TDRD3: variants seen among roughly 807,000 people sequenced by gnomAD.
TDRD3 encodes tudor domain-containing protein 3.
Under a neutral mutation model 86.7 loss-of-function variants are expected in TDRD3, and 45 were observed. The observed-to-expected ratio is 0.52, with a 90% CI of 0.41 to 0.67. The LOEUF (loss-of-function observed/expected upper bound fraction) is 0.67, where lower values mean the gene tolerates loss of function less well. Among genes scored for constraint, TDRD3 ranks in the 30% least tolerant of loss-of-function variants. The probability of loss-of-function intolerance (pLI) is 0.00; values close to 1 mark genes in which losing one functional copy is unlikely to be tolerated. For synonymous variants in TDRD3, 298 were observed against 301.7 expected (o/e 0.99, Z 0.13); for missense variants, 814 against 889.0 (o/e 0.92, Z 1.07).
intron 8 of TDRD3, among the ~76,000 whole-genome samples, chr13:60,500,914 C>T (rs1956816200): frequency 6.6e-6 from 1 of 152,142 alleles, no homozygotes; most frequent in African/African-American, 2.4e-5. Context: ...TCTGTTCCAG[C>T]CACACCTATT....
At chr13:60,463,350 A>G (rs1052133782) in intron 4 of TDRD3, among the ~76,000 whole-genome samples, 11 of 148,426 alleles carry the variant, frequency 7.4e-5, no homozygotes, top group African/African-American at 2.7e-4. Flanking sequence ...TGACAAGAGC[A>G]AAATTCTGGC....
intron 3 of TDRD3, among the ~76,000 whole-genome samples, chr13:60,447,424 A>G (rs962605287): frequency 7.9e-5 from 12 of 152,182 alleles, no homozygotes; most frequent in African/African-American, 2.9e-4. Flanking sequence ...CTACTCCCTT[A>G]CAACATTGAA....
At chr13:60,503,553 A>G (rs912950759) in intron 8 of TDRD3, among the ~76,000 whole-genome samples, 17 of 152,200 alleles carry the variant, frequency 1.1e-4, no homozygotes, top group South Asian at 8.3e-4. Context: ...CGGAAATCCA[A>G]TGTGACTAAA....
At chr13:60,543,972 T>C (rs1380525135) in intron 12 of TDRD3, among the ~76,000 whole-genome samples, 1 of 151,868 alleles carries the variant, frequency 6.6e-6, no homozygotes, top group African/African-American at 2.4e-5. Context: ...CTGTTTTTTT[T>C]TTTTTTGTGA....
intron 4 of TDRD3, among the ~76,000 whole-genome samples, chr13:60,466,653 G>T (rs9646037): frequency 0.46 from 69,549 of 151,726 alleles, 16,315 homozygotes; most frequent in South Asian, 0.54. Flanking sequence ...CTGGTCGTGG[G>T]GGCGCATGCC....
chr13:60,442,301 A>AT (rs1002556779), intron 2 of TDRD3, among the ~76,000 whole-genome samples: 2 of 152,060 alleles, frequency 1.3e-5, no homozygotes, highest in South Asian at 4.1e-4. Flanking sequence ...TTCTTTTAAG[A>AT]TTTTGTATAA....
Position 60,471,241 on chromosome 13 carries a change from A to G in TDRD3, c.495+3862A>G, listed in dbSNP as rs531308112. 4.6e-5 allele frequency among the ~76,000 whole-genome samples: 7 copies of G among 152,264 alleles called. No individual in the cohort carries two copies. In the South Asian group the frequency reaches 1.0e-3, roughly 23 times the overall value. ...AATTTTTGTATTAGTAAAGGGTCCA[A>G]ATTCATACTTTTGCATGTGAATATC... On this transcript the variant is annotated intron_variant, in intron 5 of 13. Transcript: ENST00000377881.
At chr13:60,567,317 CAA>C (rs887108294) in intron 12 of TDRD3, among the ~76,000 whole-genome samples, 3 of 151,822 alleles carry the variant, frequency 2.0e-5, no homozygotes, top group African/African-American at 7.3e-5. Context: ...TACCAAGGAT[CAA>C]AAGAGTTTTA....
intron 3 of TDRD3, among the ~76,000 whole-genome samples, chr13:60,453,761 T>G (rs1955600947): frequency 6.6e-6 from 1 of 152,168 alleles, no homozygotes; most frequent in African/African-American, 2.4e-5. Context: ...CATTTAAGCT[T>G]TCAGTAAATA....
chr13:60,519,137 C>A (rs1957234159), intron 10 of TDRD3, among the ~76,000 whole-genome samples: 1 of 151,998 alleles, frequency 6.6e-6, no homozygotes, highest in Non-Finnish European at 1.5e-5. Flanking sequence ...ACACATGAGC[C>A]TCTTTTTCAT....
At chr13:60,418,025 G>A (rs1954566955) in intron 1 of TDRD3, among the ~76,000 whole-genome samples, 1 of 152,014 alleles carries the variant, frequency 6.6e-6, no homozygotes, top group South Asian at 2.1e-4. Context: ...TTTTCTATAG[G>A]TGTTAGAATG....
chr13:60,401,435 G>A (rs1470916730), intron 1 of TDRD3, among the ~76,000 whole-genome samples: 1 of 152,144 alleles, frequency 6.6e-6, no homozygotes, highest in African/African-American at 2.4e-5. Flanking sequence ...TTGAGCATCA[G>A]TAGACTTTGT....
chr13:60,522,995 G>C (rs984930699), intron 10 of TDRD3, among the ~76,000 whole-genome samples: 1 of 125,602 alleles, frequency 8.0e-6, no homozygotes, highest in Non-Finnish European at 1.8e-5. Context: ...GCCTTTAGTT[G>C]AGGCACATTA....
chr13:60,535,066 C>T (rs760861115), intron 11 of TDRD3, 42 bp from the exon 12 acceptor site: 2 of 1,602,082 alleles, frequency 1.2e-6, no homozygotes, highest in Non-Finnish European at 8.5e-7. Context: ...CCTTTATAGA[C>T]AATACCAGTT....
At chr13:60,437,196 G>T (rs556502007) in intron 1 of TDRD3, among the ~76,000 whole-genome samples, 2 of 137,132 alleles carry the variant, frequency 1.5e-5, no homozygotes, top group Non-Finnish European at 3.0e-5. Flanking sequence ...GCATGATCTC[G>T]GCTCACTGCA....
chr13:60,558,087 C>T (rs934834231), intron 12 of TDRD3, among the ~76,000 whole-genome samples: 2 of 152,154 alleles, frequency 1.3e-5, no homozygotes, highest in African/African-American at 4.8e-5. Context: ...TCCCAAAGTG[C>T]TGGGATTACT....
rs1219817312 is a variant in TDRD3 at position 60,499,157 on chromosome 13, A to G, written c.858+4582A>G. Among the ~76,000 whole-genome samples, 3 of 152,234 alleles carry G rather than the reference A, an allele frequency of 2.0e-5. No individual in the cohort carries two copies. In the East Asian group the frequency reaches 5.8e-4, roughly 29 times the overall value. The stretch of plus-strand genomic sequence containing the variant: ...TATTGCATCCCTGGAGGGATTGCAG[A>G]GATTAGTGCCACCATCAAGGACCTG... On this transcript the variant is annotated intron_variant, in intron 8 of 13. Transcript: ENST00000377881.
At chr13:60,477,762 G>A (rs1305199831) in intron 5 of TDRD3, among the ~76,000 whole-genome samples, 3 of 152,140 alleles carry the variant, frequency 2.0e-5, no homozygotes, top group African/African-American at 7.2e-5. Context: ...TGTGCTGCTG[G>A]ATTAGTTTGC....
chr13:60,440,333 A>G (rs1955230851), intron 2 of TDRD3, among the ~76,000 whole-genome samples: 1 of 151,022 alleles, frequency 6.6e-6, no homozygotes, highest in Non-Finnish European at 1.5e-5. Context: ...TTTTTTCCAT[A>G]ATTGTATTGG....
Sources: gnomAD v4.1 joint callset for allele counts (sites outside exome capture counted in the v4.1 genomes callset) on GRCh38, gnomAD v4.1.1 for gene constraint, MANE v1.5 for transcripts, NCBI Gene and HGNC (gene_info 2026-07-23, HGNC 2026-07-21) for gene names.